Variants in RASSF6 observed in about 807,000 individuals in gnomAD.
RASSF6 encodes ras association domain-containing protein 6.
In RASSF6, 52 loss-of-function variants were observed where a neutral mutation model predicts 44.0. The ratio of observed to expected loss-of-function variants is 1.18; its 90% CI spans 0.95 to 1.49. The LOEUF (loss-of-function observed/expected upper bound fraction) is 1.49. RASSF6 is among the 40% of genes most tolerant of loss of function. The pLI, the probability that RASSF6 is intolerant of heterozygous loss-of-function variation, is 0.00. For synonymous variants in RASSF6, 162 were observed against 124.6 expected, an observed-to-expected ratio of 1.30 and a Z score of -2.00; for missense variants, 464 against 393.3, an observed-to-expected ratio of 1.18 and a Z score of -1.52.
At chr4:73,605,087 A>C (rs1725536208) in intron 2 of RASSF6, among the ~76,000 whole-genome samples, 1 of 151,784 alleles carries the variant, frequency 6.6e-6, no homozygotes, top group Non-Finnish European at 1.5e-5. Context: ...ATGGGGTTTC[A>C]CCATGTTGGC....
At chr4:73,601,998 C>A (rs1452686438) in intron 2 of RASSF6, among the ~76,000 whole-genome samples, 1 of 152,084 alleles carries the variant, frequency 6.6e-6, no homozygotes, top group Non-Finnish European at 1.5e-5. Flanking sequence ...TACGGTGAAC[C>A]TTGGTTGGTG....
At chr4:73,584,088 G>T (rs749179799) in intron 6 of RASSF6, among the ~76,000 whole-genome samples, 2 of 152,046 alleles carry the variant, frequency 1.3e-5, no homozygotes, top group Non-Finnish European at 2.9e-5. Context: ...CCTCTCTGTG[G>T]GGGACTATCA....
chr4:73,607,502 T>C (rs1218943586), intron 2 of RASSF6, among the ~76,000 whole-genome samples: 2 of 152,216 alleles, frequency 1.3e-5, no homozygotes, highest in African/African-American at 2.4e-5. Flanking sequence ...GGAAGCCTTC[T>C]TGGAACTCTT....
Position 73,576,242 on chromosome 4 carries a change from G to A in RASSF6, c.1007C>T (p.Thr336Ile), listed in dbSNP as rs369818308. 4 of 1,541,124 alleles carry A rather than the reference G, an allele frequency of 2.6e-6. No individual in the cohort carries two copies. The highest frequency in any genetic ancestry group is 2.3e-5 in the South Asian group (2 of 87,264). Residue 336 changes from threonine to isoleucine, a missense_variant, in exon 11 of 11, where the codon ACA (threonine) becomes ATA (isoleucine). Physicochemically the swap from Thr to Ile is moderately conservative, Grantham distance 89. Transcript: ENST00000307439. ...CAATAGAAGCTTGTACTGCTAAACT[G>A]TTGTCTCTGTTTTTATTACTAGTTT... Reference protein sequence around the residue: ...QNKLVIKTETTV With the variant: ...QNKLVIKTETIV
intron 4 of RASSF6, among the ~76,000 whole-genome samples, chr4:73,589,072 C>A (rs1010856665): frequency 3.3e-5 from 5 of 152,126 alleles, no homozygotes; most frequent in African/African-American, 1.2e-4. Flanking sequence ...CCCTTATCCT[C>A]TTTACTTTTG....
intron 1 of RASSF6, among the ~76,000 whole-genome samples, chr4:73,612,126 A>G (rs922749285): frequency 6.6e-6 from 1 of 152,178 alleles, no homozygotes; most frequent in African/African-American, 2.4e-5. Context: ...AAGGGAGCAT[A>G]TTCCTTCTAT....
At chr4:73,603,923 A>G (rs1181528311) in intron 2 of RASSF6, among the ~76,000 whole-genome samples, 1 of 152,184 alleles carries the variant, frequency 6.6e-6, no homozygotes, top group Non-Finnish European at 1.5e-5. Flanking sequence ...CTAAAAGGCA[A>G]AGAACCCTGT....
chr4:73,600,854 G>A (rs1471870331), intron 2 of RASSF6, among the ~76,000 whole-genome samples: 1 of 152,110 alleles, frequency 6.6e-6, no homozygotes, highest in East Asian at 1.9e-4. Context: ...TTCTCCTGGG[G>A]TCATTGTCAT....
Position 73,581,863 on chromosome 4 carries a change from T to C in RASSF6, c.675A>G (p.Glu225=), listed in dbSNP as rs756561606. The part of the protein sequence containing the change: ...IKQLLQKFKI[E]NSPQDFALHI... ...GAAGAGCAAAATCCTGGGGACTATTTTCAATCTGTCAAGGGAAAAAATGAA... is the reference window on the plus strand; with the variant it reads ...GAAGAGCAAAATCCTGGGGACTATTCTCAATCTGTCAAGGGAAAAAATGAA... Residue 225 remains glutamate, a synonymous_variant, in exon 8 of 11, where the codon GAA becomes GAG. Transcript: ENST00000307439. 1 of 1,610,144 alleles carries C rather than the reference T, an allele frequency of 6.2e-7. No individual in the cohort carries two copies. The highest frequency in any genetic ancestry group is 1.1e-5 in the South Asian group (1 of 90,806).
At chr4:73,607,585 C>G (rs1425333613) in intron 2 of RASSF6, among the ~76,000 whole-genome samples, 1 of 152,114 alleles carries the variant, frequency 6.6e-6, no homozygotes, top group Non-Finnish European at 1.5e-5. Context: ...TTGTTTCAGG[C>G]CTTTAGATCT....
At chr4:73,596,071 C>A (rs1394716733) in intron 3 of RASSF6, among the ~76,000 whole-genome samples, 2 of 151,944 alleles carry the variant, frequency 1.3e-5, no homozygotes, top group African/African-American at 4.8e-5. Context: ...GAATGAAACA[C>A]TGAAATTAAA....
chr4:73,587,318 C>T (rs7667019), intron 5 of RASSF6, among the ~76,000 whole-genome samples: 42,201 of 151,820 alleles, frequency 0.28, 6,096 homozygotes, highest in Admixed American at 0.41. Context: ...AAGTATATTT[C>T]TCTTTTAAAA....
chr4:73,590,550 G>C (rs1447011761), intron 4 of RASSF6, among the ~76,000 whole-genome samples: 1 of 152,164 alleles, frequency 6.6e-6, no homozygotes, highest in South Asian at 2.1e-4. Context: ...CAGAGGGAGG[G>C]TGTCTAGAAC....
chr4:73,593,644 G>A (rs749336339), intron 3 of RASSF6, 51 bp from the exon 4 acceptor site: 5 of 1,519,086 alleles, frequency 3.3e-6, no homozygotes, highest in East Asian at 2.4e-5. Context: ...ATTTATAGAC[G>A]GTAAATGTTT....
At chr4:73,592,662 G>A (rs1724636617) in intron 4 of RASSF6, among the ~76,000 whole-genome samples, 1 of 152,160 alleles carries the variant, frequency 6.6e-6, no homozygotes, top group African/African-American at 2.4e-5. Flanking sequence ...GTGCATTTCA[G>A]GGTGCTCTGT....
At chr4:73,582,493 T>C (rs1452663944) in intron 6 of RASSF6, among the ~76,000 whole-genome samples, 2 of 152,108 alleles carry the variant, frequency 1.3e-5, no homozygotes, top group African/African-American at 2.4e-5. Flanking sequence ...TAGAGTAAAT[T>C]AGGTAAAACA....
At chr4:73,593,358 A>G (rs1423044865) in intron 4 of RASSF6, 93 bp downstream of exon 4, 3 of 1,235,390 alleles carry the variant, frequency 2.4e-6, no homozygotes, top group Non-Finnish European at 3.4e-6. Context: ...TCAGTTTTAC[A>G]CAAGCTTAAG....
intron 1 of RASSF6, among the ~76,000 whole-genome samples, chr4:73,614,611 A>G (rs1254438435): frequency 6.6e-6 from 1 of 152,266 alleles, no homozygotes. Flanking sequence ...TCATTGCAGT[A>G]GCTTTCCAAC....
chr4:73,585,431 G>C, intron 5 of RASSF6, 67 bp from the exon 6 acceptor site: 2 of 1,067,418 alleles, frequency 1.9e-6, no homozygotes, highest in East Asian at 5.2e-5. Flanking sequence ...GAGTGGATTT[G>C]TGTATGCTTT....
Sources: gnomAD v4.1 joint callset for allele counts (sites outside exome capture counted in the v4.1 genomes callset) on GRCh38, gnomAD v4.1.1 for gene constraint, MANE v1.5 for transcripts, NCBI Gene and HGNC (gene_info 2026-07-23, HGNC 2026-07-21) for gene names.